CACNA2D1: variants seen among roughly 807,000 people sequenced by gnomAD.
CACNA2D1 encodes the protein calcium voltage-gated channel auxiliary subunit alpha2delta 1, also known as voltage-dependent calcium channel subunit alpha-2/delta-1.
A neutral mutation model predicts 171.5 loss-of-function variants in CACNA2D1; 53 were observed. The observed-to-expected ratio is 0.31, with a 90% CI of 0.25 to 0.39. The LOEUF (loss-of-function observed/expected upper bound fraction) is 0.39. Ranked by LOEUF, CACNA2D1 falls within the 10% of genes least tolerant of loss-of-function variation. The pLI is 1.00. For synonymous variants in CACNA2D1, 442 were observed against 443.1 expected (o/e 1.00, Z 0.03); for missense variants, 903 against 1,299.8 (o/e 0.69, Z 4.69).
chr7:82,101,905 A>G (rs1812721568), intron 6 of CACNA2D1, among the ~76,000 whole-genome samples: 1 of 152,212 alleles, frequency 6.6e-6, no homozygotes, highest in Non-Finnish European at 1.5e-5. Context: ...TTAACATCAC[A>G]TACTGTGGGT....
At chr7:82,143,962 A>C (rs1447753127) in intron 4 of CACNA2D1, among the ~76,000 whole-genome samples, 1 of 152,120 alleles carries the variant, frequency 6.6e-6, no homozygotes, top group African/African-American at 2.4e-5. Context: ...TTATTCACCC[A>C]ATCTAATCAT....
chr7:82,222,584 T>C (rs544513741), intron 3 of CACNA2D1, among the ~76,000 whole-genome samples: 2 of 152,196 alleles, frequency 1.3e-5, no homozygotes, highest in Admixed American at 6.5e-5. Context: ...TCACGAATGC[T>C]TTCTCCTCTT....
intron 3 of CACNA2D1, among the ~76,000 whole-genome samples, chr7:82,326,395 G>A (rs1197032276): frequency 9.9e-5 from 15 of 152,172 alleles, no homozygotes; most frequent in Admixed American, 9.8e-4. Flanking sequence ...TGTATACACA[G>A]CTGGGTTTGA....
At chr7:81,951,716 C>T (rs1414986096) in intron 38 of CACNA2D1, among the ~76,000 whole-genome samples, 1 of 151,984 alleles carries the variant, frequency 6.6e-6, no homozygotes, top group Non-Finnish European at 1.5e-5. Context: ...TGTATATATA[C>T]CACATTTTCT....
At chr7:82,398,952 CTTT>C (rs914167092) in intron 1 of CACNA2D1, among the ~76,000 whole-genome samples, 50 of 151,238 alleles carry the variant, frequency 3.3e-4, no homozygotes, top group African/African-American at 1.2e-3. Flanking sequence ...TTTGATATTC[CTTT>C]TACTCTTTCA....
intron 4 of CACNA2D1, among the ~76,000 whole-genome samples, chr7:82,150,566 G>A (rs1430541060): frequency 6.6e-6 from 1 of 151,898 alleles, no homozygotes; most frequent in East Asian, 1.9e-4. Context: ...GAAAAGTAAT[G>A]ACTATGTTCC....
At chr7:81,995,031 C>G in intron 19 of CACNA2D1, 92 bp from the exon 20 acceptor site, 1 of 710,554 alleles carries the variant, frequency 1.4e-6, no homozygotes, top group South Asian at 1.6e-5. Flanking sequence ...AAGTTCTTTA[C>G]CTTATTTAGA....
intron 5 of CACNA2D1, among the ~76,000 whole-genome samples, chr7:82,128,582 G>A (rs1413219589): frequency 6.6e-6 from 1 of 152,084 alleles, no homozygotes; most frequent in Admixed American, 6.6e-5. Flanking sequence ...TGGAGGCCAT[G>A]CATCATCATT....
At chr7:82,245,740 C>T (rs1804843540) in intron 3 of CACNA2D1, among the ~76,000 whole-genome samples, 1 of 151,172 alleles carries the variant, frequency 6.6e-6, no homozygotes, top group Non-Finnish European at 1.5e-5. Flanking sequence ...GGGAAGATTG[C>T]CAATTCTCCA....
At chr7:82,356,997 C>A (rs1011276505) in intron 1 of CACNA2D1, among the ~76,000 whole-genome samples, 1 of 152,096 alleles carries the variant, frequency 6.6e-6, no homozygotes, top group Admixed American at 6.5e-5. Context: ...AAATTTGAAG[C>A]AGTCACTAAA....
In CACNA2D1 at chr7:82,238,807, A is replaced by T. The variant is rs1379312760; in HGVS notation, c.295-68198T>A. Reference sequence around the variant, plus strand: ...TTATTGAAATGAAAACTGTCATCACATAATGCCACACCTAGAGTTGGCTCT... The same window carrying T: ...TTATTGAAATGAAAACTGTCATCACTTAATGCCACACCTAGAGTTGGCTCT... On this transcript the variant is annotated intron_variant, in intron 3 of 38. Coordinates refer to ENST00000356860, the MANE Select transcript of CACNA2D1 (RefSeq NM_000722.4). Among the ~76,000 whole-genome samples, 4 of 152,126 alleles carry T rather than the reference A, an allele frequency of 2.6e-5. No individual in the cohort carries two copies. The East Asian group carries it at 7.7e-4, about 29-fold the overall frequency.
chr7:82,217,910 A>ATTATTTATTTATTTATTTATTTATTTAT (rs60997591), intron 3 of CACNA2D1, among the ~76,000 whole-genome samples: 1 of 143,766 alleles, frequency 7.0e-6, no homozygotes, highest in African/African-American at 2.6e-5. Flanking sequence ...CCAAGACTAC[A>ATTATTTATTTATTTATTTATTTATTTAT]TTATTTATTT....
chr7:81,999,457 C>T (rs1460522326), intron 18 of CACNA2D1, among the ~76,000 whole-genome samples: 4 of 152,024 alleles, frequency 2.6e-5, no homozygotes, highest in African/African-American at 9.7e-5. Flanking sequence ...AAATACCACA[C>T]CATTTGTGGA....
intron 3 of CACNA2D1, among the ~76,000 whole-genome samples, chr7:82,271,975 C>G (rs1808698071): frequency 6.6e-6 from 1 of 151,892 alleles, no homozygotes; most frequent in African/African-American, 2.4e-5. Context: ...TATTTATAAT[C>G]CTAGACAGTA....
chr7:82,399,866 C>T (rs990489252), intron 1 of CACNA2D1, among the ~76,000 whole-genome samples: 2 of 152,112 alleles, frequency 1.3e-5, no homozygotes, highest in Non-Finnish European at 2.9e-5. Flanking sequence ...AAATCTTCTA[C>T]ATTTAAGTCG....
intron 3 of CACNA2D1, among the ~76,000 whole-genome samples, chr7:82,333,559 C>T (rs761854579): frequency 6.6e-6 from 1 of 151,878 alleles, no homozygotes; most frequent in African/African-American, 2.4e-5. Flanking sequence ...CTTACTATTA[C>T]GGGAACAGCA....
At chr7:82,048,750 A>T (rs1266290275) in intron 10 of CACNA2D1, among the ~76,000 whole-genome samples, 2 of 152,084 alleles carry the variant, frequency 1.3e-5, no homozygotes, top group South Asian at 4.1e-4. Flanking sequence ...ATTCTCCTAC[A>T]TCTATTGCTC....
chr7:82,435,950 A>G (rs1408796438), intron 1 of CACNA2D1, among the ~76,000 whole-genome samples: 2 of 152,106 alleles, frequency 1.3e-5, no homozygotes, highest in Non-Finnish European at 2.9e-5. Flanking sequence ...ATGCCTAACA[A>G]AGAACAGACC....
chr7:82,191,350 C>T (rs866327836), intron 3 of CACNA2D1, among the ~76,000 whole-genome samples: 2 of 151,516 alleles, frequency 1.3e-5, no homozygotes, highest in Admixed American at 6.6e-5. Flanking sequence ...TTTTCAAAAG[C>T]GATTAGTTTA....
Sources: allele counts gnomAD v4.1 joint callset (sites outside exome capture counted in the v4.1 genomes callset), GRCh38; gene constraint gnomAD v4.1.1; transcripts MANE v1.5; gene names NCBI Gene and HGNC (gene_info 2026-07-23, HGNC 2026-07-21).